Variants in EHBP1 observed in about 807,000 individuals in gnomAD.
EHBP1 encodes the protein EH domain-binding protein 1.
Under a neutral mutation model 144.0 loss-of-function variants are expected in EHBP1, and 55 were observed. The ratio of observed to expected loss-of-function variants is 0.38; its 90% CI spans 0.31 to 0.48. The LOEUF is 0.48. Ranked by LOEUF, EHBP1 falls within the 20% of genes least tolerant of loss-of-function variation. The pLI is 0.98. For synonymous variants in EHBP1, 469 were observed against 472.7 expected (o/e 0.99, Z 0.10); for missense variants, 1,200 against 1,364.2 (o/e 0.88, Z 1.90).
chr2:63,044,276 A>G (rs985795972), intron 21 of EHBP1: 3 of 150,294 alleles, frequency 2.0e-5, no homozygotes, highest in African/African-American at 7.3e-5. Context: ...AAAAAAAAAA[A>G]AAACGCCCCC....
intron 2 of EHBP1, among the ~76,000 whole-genome samples, chr2:62,744,713 T>G (rs2038997851): frequency 6.6e-6 from 1 of 152,116 alleles, no homozygotes; most frequent in African/African-American, 2.4e-5. Flanking sequence ...TTCTTGCTTT[T>G]TTATGCTAAA....
At chr2:62,806,742 GT>G (rs1214393481) in intron 5 of EHBP1, among the ~76,000 whole-genome samples, 1 of 150,686 alleles carries the variant, frequency 6.6e-6, no homozygotes, top group Non-Finnish European at 1.5e-5. Flanking sequence ...TTTAATTTTA[GT>G]TTTTTTAGTT....
At chr2:63,000,745 T>C (rs982400108) in intron 19 of EHBP1, among the ~76,000 whole-genome samples, 13 of 152,256 alleles carry the variant, frequency 8.5e-5, no homozygotes, top group Middle Eastern at 3.4e-3. Flanking sequence ...CATAGTATTT[T>C]CTGCCATTTT....
chr2:62,874,326 A>G lies in EHBP1; in HGVS notation c.999-20A>G, dbSNP rs2050713455. 4.0e-6 allele frequency: 6 copies of G among 1,516,678 alleles called. No homozygotes were observed. The highest frequency in any genetic ancestry group is 4.5e-6 in the Non-Finnish European group (5 of 1,121,074). 94.0% of individuals were successfully genotyped at this position (1,516,678 alleles called of 1,614,324 possible). ...ACTATTTTTTGAGAGACATCTAACA[A>G]TAATTCTTCTTTCACTTAGATCAAA... On this transcript the variant is annotated intron_variant, in intron 9 of 22. Coordinates refer to ENST00000431489, the MANE Select transcript of EHBP1 (RefSeq NM_001142616.3).
intron 19 of EHBP1, among the ~76,000 whole-genome samples, chr2:63,009,017 G>A (rs959114617): frequency 4.6e-5 from 7 of 151,598 alleles, no homozygotes; most frequent in African/African-American, 7.2e-5. Context: ...CAGATATACC[G>A]TGGAATGGAC....
At chr2:63,041,098 A>G (rs562375603) in intron 21 of EHBP1, among the ~76,000 whole-genome samples, 1 of 152,354 alleles carries the variant, frequency 6.6e-6, no homozygotes, top group Non-Finnish European at 1.5e-5. Context: ...GGAGAACAGC[A>G]TAGAATATTG....
At chr2:63,043,615 C>T (rs747322101) in intron 21 of EHBP1, among the ~76,000 whole-genome samples, 11 of 152,048 alleles carry the variant, frequency 7.2e-5, no homozygotes, top group Admixed American at 2.6e-4. Context: ...GATAGAATTC[C>T]CTCTAGCACC....
At chr2:63,009,202 T>G (rs975878908) in intron 19 of EHBP1, among the ~76,000 whole-genome samples, 1 of 151,668 alleles carries the variant, frequency 6.6e-6, no homozygotes, top group African/African-American at 2.4e-5. Flanking sequence ...TATTTTTGAT[T>G]CCCAAGAGAA....
intron 16 of EHBP1, among the ~76,000 whole-genome samples, chr2:62,992,815 G>T (rs1431925110): frequency 6.6e-6 from 1 of 152,030 alleles, no homozygotes; most frequent in African/African-American, 2.4e-5. Flanking sequence ...CATTCAGCAG[G>T]CTTAGCTATT....
intron 2 of EHBP1, among the ~76,000 whole-genome samples, chr2:62,746,760 A>C (rs2152142641): frequency 6.6e-6 from 1 of 152,200 alleles, no homozygotes; most frequent in East Asian, 1.9e-4. Context: ...AGTGGAAGAT[A>C]GAGAAGAGAA....
chr2:62,766,992 G>C (rs1305247809), intron 4 of EHBP1, among the ~76,000 whole-genome samples: 3 of 149,512 alleles, frequency 2.0e-5, no homozygotes, highest in African/African-American at 7.4e-5. Context: ...GTTGCATTTG[G>C]TTGTAAGATC....
chr2:62,708,652 A>G (rs987982309), intron 2 of EHBP1, among the ~76,000 whole-genome samples: 1 of 152,198 alleles, frequency 6.6e-6, no homozygotes, highest in East Asian at 1.9e-4. Flanking sequence ...TGCCATTATT[A>G]TGTACAGAGG....
At chr2:62,868,859 T>G (rs1451762695) in intron 9 of EHBP1, among the ~76,000 whole-genome samples, 2 of 152,116 alleles carry the variant, frequency 1.3e-5, no homozygotes, top group Non-Finnish European at 2.9e-5. Flanking sequence ...GAGGCTGATA[T>G]GGGCTGATCA....
chr2:62,803,421 T>G (rs2044192043), intron 5 of EHBP1, among the ~76,000 whole-genome samples: 1 of 152,200 alleles, frequency 6.6e-6, no homozygotes, highest in African/African-American at 2.4e-5. Flanking sequence ...GAAATGCCTG[T>G]TTTTCACACC....
intron 19 of EHBP1, among the ~76,000 whole-genome samples, chr2:63,003,146 C>G (rs2059912906): frequency 6.6e-6 from 1 of 151,808 alleles, no homozygotes; most frequent in Admixed American, 6.6e-5. Flanking sequence ...CATTTCAGAC[C>G]ATGTAGGTAT....
intron 10 of EHBP1, among the ~76,000 whole-genome samples, chr2:62,935,406 T>G: frequency 6.6e-6 from 1 of 150,616 alleles, no homozygotes; most frequent in East Asian, 1.9e-4. Flanking sequence ...GCAATAAAGC[T>G]TGATAGTTTT....
intron 9 of EHBP1, among the ~76,000 whole-genome samples, chr2:62,873,776 C>G (rs1000394866): frequency 1.5e-4 from 23 of 152,098 alleles, no homozygotes; most frequent in African/African-American, 5.1e-4. Context: ...TCTTCAAACC[C>G]TGAAACAGAA....
At chr2:62,881,434 A>G (rs2051408518) in intron 10 of EHBP1, among the ~76,000 whole-genome samples, 1 of 151,502 alleles carries the variant, frequency 6.6e-6, no homozygotes, top group South Asian at 2.1e-4. Context: ...AAAAAAAAAA[A>G]AAAAAGAAGG....
At chr2:62,896,264 G>A (rs2052921768) in intron 10 of EHBP1, among the ~76,000 whole-genome samples, 2 of 152,166 alleles carry the variant, frequency 1.3e-5, no homozygotes, top group South Asian at 2.1e-4. Flanking sequence ...AACTTGTCGT[G>A]TTTAAAGAAT....
Sources: allele counts gnomAD v4.1 joint callset (sites outside exome capture counted in the v4.1 genomes callset), GRCh38; gene constraint gnomAD v4.1.1; transcripts MANE v1.5; gene names NCBI Gene and HGNC (gene_info 2026-07-23, HGNC 2026-07-21).